The following CNTLN variants were observed in gnomAD, a reference collection of about 807,000 sequenced individuals.
CNTLN encodes the protein centlein, centrosomal protein.
CNTLN carries 212 observed loss-of-function variants against 180.0 expected under a neutral mutation model. That is an observed-to-expected ratio of 1.18 (90% CI 1.05 to 1.32). The LOEUF (loss-of-function observed/expected upper bound fraction) is 1.32, where lower values mean the gene tolerates loss of function less well. Ranked by LOEUF, CNTLN falls within the 40% of genes most tolerant of loss-of-function variation. CNTLN has a pLI of 0.00. For missense variants in CNTLN, 2,095 were observed against 1,610.9 expected (o/e 1.30, Z -5.14); for synonymous variants, 722 against 563.1 (o/e 1.28, Z -3.99).
chr9:17,211,026 G>A (rs1823265680), intron 2 of CNTLN, among the ~76,000 whole-genome samples: 1 of 152,140 alleles, frequency 6.6e-6, no homozygotes, highest in South Asian at 2.1e-4. Context: ...TCTGATGGTA[G>A]TTTCTTTTGC....
intron 1 of CNTLN, among the ~76,000 whole-genome samples, chr9:17,136,876 G>C (rs1216387504): frequency 6.6e-6 from 1 of 152,158 alleles, no homozygotes; most frequent in Non-Finnish European, 1.5e-5. Context: ...GTTTTAAGAT[G>C]TGAACCCATG....
intron 2 of CNTLN, among the ~76,000 whole-genome samples, chr9:17,157,530 A>G (rs1483667523): frequency 6.6e-6 from 1 of 152,130 alleles, no homozygotes; most frequent in Non-Finnish European, 1.5e-5. Flanking sequence ...AGATGCCCAG[A>G]TATTTGGATT....
At chr9:17,308,943 G>T in intron 7 of CNTLN, 115 bp from the exon 8 acceptor site, 2 of 506,256 alleles carry the variant, frequency 4.0e-6, no homozygotes, top group Non-Finnish European at 6.3e-6. Flanking sequence ...ATAACCTGAG[G>T]GCAAGAACTG....
At chr9:17,236,927 G>A (rs1382846800) in intron 5 of CNTLN, among the ~76,000 whole-genome samples, 2 of 152,124 alleles carry the variant, frequency 1.3e-5, no homozygotes, top group Middle Eastern at 3.2e-3. Flanking sequence ...ATTTGTTGCA[G>A]TATAGTTTTT....
chr9:17,444,350 G>C (rs937730812), intron 18 of CNTLN: 19 of 152,170 alleles, frequency 1.2e-4, no homozygotes, highest in African/African-American at 4.6e-4. Context: ...ATGTCATTTT[G>C]AGTTAGGATT....
Position 17,324,641 on chromosome 9 carries a change from T to C in CNTLN, c.1342-5991T>C, listed in dbSNP as rs190625432. On this transcript the variant is annotated intron_variant, in intron 8 of 25. Transcript: ENST00000380647. Reference sequence around the variant, plus strand: ...ATGCTACTGTCATTTACTGGATGTATGTATATACCCATAATTGTCATCTAC... The same window carrying C: ...ATGCTACTGTCATTTACTGGATGTACGTATATACCCATAATTGTCATCTAC... Among the ~76,000 whole-genome samples the C allele has an allele frequency of 7.2e-5, 11 of 152,282 alleles. No individual in the cohort carries two copies. In the East Asian group the frequency reaches 1.9e-3, roughly 27 times the overall value.
intron 6 of CNTLN, among the ~76,000 whole-genome samples, chr9:17,275,177 G>A (rs1053067269): frequency 7.9e-5 from 12 of 152,032 alleles, no homozygotes; most frequent in Admixed American, 2.0e-4. Flanking sequence ...ATAGCGTTTA[G>A]TCTTTCCTTG....
chr9:17,412,116 G>T (rs1225430167), intron 16 of CNTLN, among the ~76,000 whole-genome samples: 1 of 145,738 alleles, frequency 6.9e-6, no homozygotes, highest in African/African-American at 2.6e-5. Context: ...GATGCCTATT[G>T]GGTAGCCTGA....
intron 2 of CNTLN, among the ~76,000 whole-genome samples, chr9:17,219,633 C>G (rs1436647702): frequency 1.3e-5 from 2 of 151,836 alleles, no homozygotes; most frequent in African/African-American, 4.8e-5. Flanking sequence ...TATTATGTCA[C>G]TCAGATTAAT....
Position 17,394,828 on chromosome 9 carries a change from A to C in CNTLN, c.2374A>C (p.Ile792Leu). ...NALRNENEEL[I>L]NPMEKSHQSA... ...ATTGAGAAATGAAAATGAAGAGCTGATCAACCCAATGGAGAAATCACACCA... is the reference window on the plus strand; with the variant it reads ...ATTGAGAAATGAAAATGAAGAGCTGCTCAACCCAATGGAGAAATCACACCA... Residue 792 changes from isoleucine (I) to leucine (L), a missense_variant, in exon 15 of 26, where the codon ATC (isoleucine) becomes CTC (leucine). Coordinates refer to ENST00000380647, the MANE Select transcript of CNTLN (RefSeq NM_017738.4). The C allele has an allele frequency of 6.2e-7, 1 of 1,613,992 alleles. No homozygotes were observed. The highest frequency in any genetic ancestry group is 8.5e-7 in the Non-Finnish European group (1 of 1,179,978).
chr9:17,357,595 A>ATATATAT lies in CNTLN; in HGVS notation c.1887-9022_1887-9021insTATATAT, dbSNP rs200873736. Reference sequence around the variant, plus strand: ...TAAATACTACATATATATATATATAAATACTACATATATATATAAATACTA... The same window carrying ATATATAT: ...TAAATACTACATATATATATATATAATATATATATACTACATATATATATAAATACTA... On this transcript the variant is annotated intron_variant, in intron 12 of 25. Coordinates refer to ENST00000380647, the MANE Select transcript of CNTLN (RefSeq NM_017738.4). Among the ~76,000 whole-genome samples the ATATATAT allele has an allele frequency of 3.6e-5, 3 of 84,374 alleles. No homozygotes were observed. In the East Asian group the frequency reaches 8.0e-4, roughly 22 times the overall value. The allele number at this position is 84,374 out of a possible 152,430, so 55.4% of individuals were successfully genotyped here.
chr9:17,206,523 G>T (rs1822934969), intron 2 of CNTLN, among the ~76,000 whole-genome samples: 1 of 152,266 alleles, frequency 6.6e-6, no homozygotes. Context: ...AAGCCATGGT[G>T]GGTGTGGTTT....
At chr9:17,308,640 C>G (rs146121046) in intron 7 of CNTLN, among the ~76,000 whole-genome samples, 16 of 151,870 alleles carry the variant, frequency 1.1e-4, no homozygotes, top group African/African-American at 3.9e-4. Flanking sequence ...TTTCTTCTAT[C>G]TTTAGAATGA....
intron 8 of CNTLN, among the ~76,000 whole-genome samples, chr9:17,323,369 C>A (rs976568984): frequency 6.6e-6 from 1 of 152,152 alleles, no homozygotes; most frequent in African/African-American, 2.4e-5. Flanking sequence ...TGTTTTGTGG[C>A]ATAAATGGTG....
intron 5 of CNTLN, among the ~76,000 whole-genome samples, chr9:17,268,232 G>A (rs1827645041): frequency 6.6e-6 from 1 of 152,120 alleles, no homozygotes; most frequent in South Asian, 2.1e-4. Context: ...TGTGCTTTTT[G>A]TTTGTTAGTT....
At chr9:17,328,292 C>T (rs1014370556) in intron 8 of CNTLN, among the ~76,000 whole-genome samples, 11 of 152,152 alleles carry the variant, frequency 7.2e-5, no homozygotes, top group Non-Finnish European at 1.2e-4. Context: ...TATACTTCTA[C>T]CCACTACCAC....
At chr9:17,257,156 G>A (rs56402716) in intron 5 of CNTLN, among the ~76,000 whole-genome samples, 24,975 of 151,294 alleles carry the variant, frequency 0.17, 2,250 homozygotes, top group South Asian at 0.28. Context: ...TCCCCAGAGT[G>A]TGATGTTCCC....
intron 25 of CNTLN, among the ~76,000 whole-genome samples, chr9:17,490,612 A>G (rs1833112399): frequency 1.3e-5 from 2 of 151,966 alleles, no homozygotes; most frequent in African/African-American, 4.8e-5. Flanking sequence ...TACGGATAGA[A>G]TTTCTCTGAG....
intron 2 of CNTLN, among the ~76,000 whole-genome samples, chr9:17,145,255 A>T (rs933093660): frequency 6.6e-6 from 1 of 152,162 alleles, no homozygotes; most frequent in East Asian, 1.9e-4. Flanking sequence ...GGTAATTCTG[A>T]TGTCTGTAGA....
Sources: gnomAD v4.1 joint callset for allele counts (sites outside exome capture counted in the v4.1 genomes callset) on GRCh38, gnomAD v4.1.1 for gene constraint, MANE v1.5 for transcripts, NCBI Gene and HGNC (gene_info 2026-07-23, HGNC 2026-07-21) for gene names.